The following ADAMTS20 variants were observed in gnomAD, a reference collection of about 807,000 sequenced individuals.
ADAMTS20 encodes the protein A disintegrin and metalloproteinase with thrombospondin motifs 20.
ADAMTS20 carries 225 observed loss-of-function variants against 260.1 expected under a neutral mutation model. The ratio of observed to expected loss-of-function variants is 0.87; its 90% CI spans 0.78 to 0.97. ADAMTS20 has a LOEUF of 0.97. Ranked by LOEUF, ADAMTS20 falls within the 50% of genes least tolerant of loss-of-function variation. The probability of loss-of-function intolerance (pLI) is 0.00; values close to 1 mark genes in which losing one functional copy is unlikely to be tolerated. For missense variants in ADAMTS20, 2,400 were observed against 2,337.7 expected (o/e 1.03, Z -0.55); for synonymous variants, 802 against 769.5 (o/e 1.04, Z -0.70).
At chr12:43,406,935 A>C (rs1940930492) in intron 28 of ADAMTS20, among the ~76,000 whole-genome samples, 1 of 152,086 alleles carries the variant, frequency 6.6e-6, no homozygotes. Flanking sequence ...TAGTACTGCT[A>C]CTGTTCCTTT....
At chr12:43,517,858 G>A (rs1447764874) in intron 3 of ADAMTS20, among the ~76,000 whole-genome samples, 2 of 152,000 alleles carry the variant, frequency 1.3e-5, no homozygotes, top group African/African-American at 4.8e-5. Context: ...GTCCAAAACA[G>A]ATCTACAATA....
chr12:43,426,021 A>C (rs546381226), intron 27 of ADAMTS20, among the ~76,000 whole-genome samples: 1 of 152,312 alleles, frequency 6.6e-6, no homozygotes, highest in Admixed American at 6.5e-5. Flanking sequence ...GCCAGAATCA[A>C]AATTTATTTA....
In ADAMTS20 at chr12:43,539,273, T is replaced by C. The variant is rs538315110; in HGVS notation, c.454-7078A>G. Among the ~76,000 whole-genome samples, 4 of 152,130 alleles carry C rather than the reference T, an allele frequency of 2.6e-5. 1 individual carries two copies. In the South Asian group the frequency reaches 8.3e-4, roughly 32 times the overall value. On this transcript the variant is annotated intron_variant, in intron 2 of 38. Transcript: ENST00000389420. ...GGCTTTAATGAACATTCTTAAGTTA[T>C]GGTACTCTTGAGACATGTCTAGGAT... is the stretch of plus-strand genomic sequence containing the variant.
At chr12:43,498,564 G>C (rs190885241) in intron 4 of ADAMTS20, among the ~76,000 whole-genome samples, 88 of 152,268 alleles carry the variant, frequency 5.8e-4, no homozygotes, top group African/African-American at 1.9e-3. Context: ...TAATCCATGT[G>C]TATGTTTGAA....
intron 12 of ADAMTS20, among the ~76,000 whole-genome samples, 173 bp downstream of exon 12, chr12:43,453,734 T>A (rs1941911827): frequency 6.6e-6 from 1 of 151,198 alleles, no homozygotes; most frequent in Non-Finnish European, 1.5e-5. Flanking sequence ...TTTTTTTTTT[T>A]AAATGTCTGA....
At chr12:43,510,142 A>T (rs1350030454) in intron 3 of ADAMTS20, among the ~76,000 whole-genome samples, 1 of 152,124 alleles carries the variant, frequency 6.6e-6, no homozygotes, top group East Asian at 1.9e-4. Context: ...TCCAGAATGC[A>T]TTTTTAAGTA....
chr12:43,490,867 A>G (rs773564010), intron 6 of ADAMTS20, among the ~76,000 whole-genome samples: 1 of 151,988 alleles, frequency 6.6e-6, no homozygotes, highest in Non-Finnish European at 1.5e-5. Flanking sequence ...TGGCCATTCA[A>G]TTTGACAGTT....
intron 14 of ADAMTS20, among the ~76,000 whole-genome samples, chr12:43,450,416 C>G (rs1199165170): frequency 1.3e-5 from 2 of 152,156 alleles, no homozygotes; most frequent in Non-Finnish European, 2.9e-5. Context: ...CATATATTTT[C>G]TGAAAGTAGC....
chr12:43,501,203 C>G (rs1942754793), intron 4 of ADAMTS20, among the ~76,000 whole-genome samples: 1 of 151,684 alleles, frequency 6.6e-6, no homozygotes, highest in Non-Finnish European at 1.5e-5. Flanking sequence ...GGATTATAGG[C>G]ATTCACCACC....
chr12:43,452,842 C>A lies in ADAMTS20; in HGVS notation c.1761-147G>T, dbSNP rs11182084. The A allele has an allele frequency of 4.5e-3, 3,264 of 725,220 alleles. 80 individuals carry two copies. In the African/African-American group the frequency reaches 0.052, roughly 12 times the overall value. The allele number at this position is 725,220 out of a possible 1,614,324, so 44.9% of individuals were successfully genotyped here. ...ACAGAAGTATGTAACATGAGTTTTA[C>A]GCAATTCTATGCATAATGAACCACA... On this transcript the variant is annotated intron_variant, in intron 12 of 38. Transcript: ENST00000389420.
chr12:43,428,434 C>T lies in ADAMTS20; in HGVS notation c.3752G>A (p.Arg1251His), dbSNP rs758029760. Residue 1251 changes from arginine (R) to histidine (H), a missense_variant, in exon 26 of 39, where the codon CGC (arginine) becomes CAC (histidine). By Grantham distance (29) the Arg-to-His change is conservative. Coordinates refer to ENST00000389420, the MANE Select transcript of ADAMTS20 (RefSeq NM_025003.5). ...IDENYCDPEV[R>H]PLMEQECSLA... The stretch of plus-strand genomic sequence containing the variant: ...GCTACATTCCTGTTCCATCAAAGGG[C>T]GAACTTCAGGATCACAGTAATTCTC... 1.2e-5 allele frequency: 19 copies of T among 1,613,812 alleles called. No individual in the cohort carries two copies. The highest frequency in any genetic ancestry group is 9.9e-5 in the South Asian group (9 of 91,078).
At chr12:43,540,513 C>T (rs981090349) in intron 2 of ADAMTS20, among the ~76,000 whole-genome samples, 1 of 152,130 alleles carries the variant, frequency 6.6e-6, no homozygotes, top group African/African-American at 2.4e-5. Context: ...TTTCTATAAC[C>T]TATCCCATTG....
chr12:43,410,676 T>C (rs180990262), intron 28 of ADAMTS20, among the ~76,000 whole-genome samples: 12 of 152,282 alleles, frequency 7.9e-5, no homozygotes, highest in East Asian at 1.9e-4. Context: ...TCAAAAGATA[T>C]AGATGAAAGG....
At chr12:43,361,075 CCTT>C (rs1489428261) in intron 37 of ADAMTS20, among the ~76,000 whole-genome samples, 3 of 152,340 alleles carry the variant, frequency 2.0e-5, no homozygotes, top group East Asian at 3.9e-4. Flanking sequence ...ACACCACACT[CCTT>C]AACTTCATCT....
rs537035725 is a variant in ADAMTS20, at chr12:43,438,842, C to T, written c.2593+780G>A. Among the ~76,000 whole-genome samples the T allele has an allele frequency of 2.6e-5, 4 of 152,288 alleles. 1 individual carries two copies. The South Asian group carries it at 8.3e-4, about 32-fold the overall frequency. The stretch of plus-strand genomic sequence containing the variant: ...TCTTCAGCTTCAGTCTCCTCAAAAA[C>T]TGCTCCCTCCACCTTTTCTGAGGTC... On this transcript the variant is annotated intron_variant, in intron 18 of 38. Transcript: ENST00000389420.
intron 31 of ADAMTS20, among the ~76,000 whole-genome samples, chr12:43,383,053 T>C (rs1940388598): frequency 6.6e-6 from 1 of 151,826 alleles, no homozygotes; most frequent in East Asian, 1.9e-4. Context: ...TAGTGATAGA[T>C]CACTAATATA....
chr12:43,390,892 T>C (rs1360978907), intron 29 of ADAMTS20, among the ~76,000 whole-genome samples: 1 of 152,238 alleles, frequency 6.6e-6, no homozygotes, highest in Non-Finnish European at 1.5e-5. Flanking sequence ...CTCTTCCAGC[T>C]GCTAGTCATT....
chr12:43,441,305 ATG>A (rs1257914826), intron 16 of ADAMTS20, among the ~76,000 whole-genome samples: 1 of 151,682 alleles, frequency 6.6e-6, no homozygotes, highest in Non-Finnish European at 1.5e-5. Flanking sequence ...GAATATGTAT[ATG>A]TGTGTATATT....
chr12:43,511,246 C>T (rs1161109307), intron 3 of ADAMTS20, among the ~76,000 whole-genome samples: 1 of 152,092 alleles, frequency 6.6e-6, no homozygotes, highest in Non-Finnish European at 1.5e-5. Flanking sequence ...TCTTGTCCCT[C>T]CCATTCATCC....
Sources: gnomAD v4.1 joint callset for allele counts (sites outside exome capture counted in the v4.1 genomes callset) on GRCh38, gnomAD v4.1.1 for gene constraint, MANE v1.5 for transcripts, NCBI Gene and HGNC (gene_info 2026-07-23, HGNC 2026-07-21) for gene names.